The following CDH4 variants were observed in gnomAD, a reference collection of about 807,000 sequenced individuals.
The protein encoded by CDH4 is cadherin 4.
CDH4 carries 33 observed loss-of-function variants against 86.0 expected under a neutral mutation model. The ratio of observed to expected loss-of-function variants is 0.38; its 90% CI spans 0.29 to 0.51. The LOEUF is 0.51. Ranked by LOEUF, CDH4 falls within the 20% of genes least tolerant of loss-of-function variation. The pLI, the probability that CDH4 is intolerant of heterozygous loss-of-function variation, is 0.86. For synonymous variants in CDH4, 555 were observed against 549.4 expected (o/e 1.01, Z -0.14); for missense variants, 1,114 against 1,307.4 (o/e 0.85, Z 2.28).
intron 2 of CDH4, among the ~76,000 whole-genome samples, chr20:61,407,078 G>A (rs533168284): frequency 2.0e-5 from 3 of 152,144 alleles, no homozygotes; most frequent in South Asian, 2.1e-4. Context: ...TGGATACAGC[G>A]TCAAATAAGA....
At position 61,387,003 on chromosome 20, in the gene CDH4, G is replaced by A. The variant is rs552793983; in HGVS notation, c.169+132066G>A. ...GCGAGTTCTGTTACCAATTTTCCAC[G>A]TCTCTGAGATGAGTTTACATTACTG... On this transcript the variant is annotated intron_variant, in intron 2 of 15. Coordinates refer to ENST00000614565, the MANE Select transcript of CDH4 (RefSeq NM_001794.5). 1.6e-4 allele frequency among the ~76,000 whole-genome samples: 24 copies of A among 152,318 alleles called. No individual in the cohort carries two copies. The South Asian group carries it at 4.2e-3, about 26-fold the overall frequency.
rs576843335 is a variant in CDH4 at position 61,439,074 on chromosome 20, C to T, written c.169+184137C>T. Among the ~76,000 whole-genome samples, 4 of 152,182 alleles carry T rather than the reference C, an allele frequency of 2.6e-5. No individual in the cohort carries two copies. In the South Asian group the frequency reaches 8.3e-4, roughly 32 times the overall value. Reference sequence around the variant, plus strand: ...CTGCCTTCGGTGTTGACTCTTCTGACTGAATATATTTTTAACTTTTAAAAG... The same window carrying T: ...CTGCCTTCGGTGTTGACTCTTCTGATTGAATATATTTTTAACTTTTAAAAG... On this transcript the variant is annotated intron_variant, in intron 2 of 15. Transcript: ENST00000614565.
In CDH4 at chr20:61,764,139, G is replaced by C. The variant is rs529792483; in HGVS notation, c.397-8864G>C. Among the ~76,000 whole-genome samples the C allele has an allele frequency of 9.8e-4, 150 of 152,300 alleles. 5 individuals carry two copies. The South Asian group carries it at 0.027, about 28-fold the overall frequency. ...CCCAGGCGGGGAGCAGGGCTGCCAG[G>C]AGCTTAAGAAAATAAAATATTGTGG... On this transcript the variant is annotated intron_variant, in intron 3 of 15. Coordinates refer to ENST00000614565, the MANE Select transcript of CDH4 (RefSeq NM_001794.5).
At chr20:61,875,756 T>G (rs947608581) in intron 7 of CDH4, among the ~76,000 whole-genome samples, 2 of 152,198 alleles carry the variant, frequency 1.3e-5, no homozygotes, top group African/African-American at 4.8e-5. Flanking sequence ...GAGCTGCACC[T>G]GGCCCTGGTC....
chr20:61,778,366 A>G (rs554649578), intron 4 of CDH4, among the ~76,000 whole-genome samples: 26 of 152,330 alleles, frequency 1.7e-4, no homozygotes, highest in Admixed American at 4.6e-4. Context: ...GTTAAACGAA[A>G]AAACGAGCGG....
At position 61,879,228 on chromosome 20, in the gene CDH4, C is replaced by T. The variant is rs892112006; in HGVS notation, c.1050+5328C>T. On this transcript the variant is annotated intron_variant, in intron 7 of 15. Coordinates refer to ENST00000614565, the MANE Select transcript of CDH4 (RefSeq NM_001794.5). The surrounding 1 kb of genome is among the most constrained non-coding windows in gnomAD (Gnocchi z 4.1). Reference sequence around the variant, plus strand: ...CCCCTGGGCCCAGGCCTGCTGAGCCCGAGAAGCTGATTTCTGTCTGGCTTG... The same window carrying T: ...CCCCTGGGCCCAGGCCTGCTGAGCCTGAGAAGCTGATTTCTGTCTGGCTTG... Among the ~76,000 whole-genome samples, 2 of 152,194 alleles carry T rather than the reference C, an allele frequency of 1.3e-5. No homozygotes were observed. Among genetic ancestry groups the T allele is most frequent in the African/African-American group, 2.4e-5 (1 of 41,444 alleles).
At chr20:61,534,371 A>G (rs2085978321) in intron 2 of CDH4, among the ~76,000 whole-genome samples, 1 of 152,190 alleles carries the variant, frequency 6.6e-6, no homozygotes, top group African/African-American at 2.4e-5. Flanking sequence ...GGAGGCAAAG[A>G]AAAAACACTG....
intron 2 of CDH4, among the ~76,000 whole-genome samples, chr20:61,399,550 C>A (rs1347119601): frequency 6.6e-6 from 1 of 152,236 alleles, no homozygotes; most frequent in Non-Finnish European, 1.5e-5. Flanking sequence ...CCACCCCAGG[C>A]CTGGCTCAGC....
intron 7 of CDH4, among the ~76,000 whole-genome samples, chr20:61,892,352 G>A (rs1035237260): frequency 1.3e-5 from 2 of 152,230 alleles, no homozygotes; most frequent in African/African-American, 2.4e-5. Flanking sequence ...TTGGGCCCAC[G>A]TTTGACCCTG....
intron 2 of CDH4, among the ~76,000 whole-genome samples, chr20:61,531,202 T>A (rs946922231): frequency 6.6e-6 from 1 of 152,184 alleles, no homozygotes; most frequent in African/African-American, 2.4e-5. Flanking sequence ...CCAGGCATAG[T>A]GGCTCATGCC....
chr20:61,499,127 C>T (rs1182352347), intron 2 of CDH4, among the ~76,000 whole-genome samples: 1 of 152,242 alleles, frequency 6.6e-6, no homozygotes, highest in African/African-American at 2.4e-5. Context: ...ACCCAGGTCC[C>T]TCCTGAGCCT....
chr20:61,811,015 G>A lies in CDH4; in HGVS notation c.577-33653G>A, dbSNP rs1980407463. Among the ~76,000 whole-genome samples the A allele has an allele frequency of 6.6e-6, 1 of 152,188 alleles. No homozygotes were observed. Among genetic ancestry groups the A allele is most frequent in the South Asian group, 2.1e-4 (1 of 4,828 alleles). On this transcript the variant is annotated intron_variant, in intron 4 of 15. Transcript: ENST00000614565. The surrounding 1 kb of genome is among the most constrained non-coding windows in gnomAD (Gnocchi z 4.4). ...AAGGAATCAGTCAAACGAACTCATGGCTCTTCATCCCCTGCAAAACTAATG... is the reference window on the plus strand; with the variant it reads ...AAGGAATCAGTCAAACGAACTCATGACTCTTCATCCCCTGCAAAACTAATG...
rs760534430 is a variant in CDH4 at position 61,392,152 on chromosome 20, AC to A, written c.169+137218del. Among the ~76,000 whole-genome samples the A allele has an allele frequency of 6.6e-6, 1 of 151,348 alleles. No individual in the cohort carries two copies. Among genetic ancestry groups the A allele is most frequent in the Non-Finnish European group, 1.5e-5 (1 of 67,914 alleles). ...GGGCAGCCCGTGCTGCAGGAGGTGA[AC>A]CCGGGCATGTGACACGGTCACAGGG... On this transcript the variant is annotated intron_variant, in intron 2 of 15. Coordinates refer to ENST00000614565, the MANE Select transcript of CDH4 (RefSeq NM_001794.5). The surrounding 1 kb of genome is among the most constrained non-coding windows in gnomAD (Gnocchi z 5.7).
At chr20:61,432,169 C>T (rs1465610606) in intron 2 of CDH4, among the ~76,000 whole-genome samples, 4 of 152,154 alleles carry the variant, frequency 2.6e-5, no homozygotes, top group Admixed American at 6.5e-5. Context: ...AGTAGCTAGG[C>T]TATATAGTAG....
chr20:61,623,575 A>G lies in CDH4; in HGVS notation c.170-119988A>G, dbSNP rs867796949. Among the ~76,000 whole-genome samples the G allele has an allele frequency of 4.9e-4, 74 of 152,176 alleles. 1 individual carries two copies. Among genetic ancestry groups the G allele is most frequent in the African/African-American group, 1.7e-3 (70 of 41,450 alleles). On this transcript the variant is annotated intron_variant, in intron 2 of 15. Coordinates refer to ENST00000614565, the MANE Select transcript of CDH4 (RefSeq NM_001794.5). The surrounding 1 kb of genome is among the most constrained non-coding windows in gnomAD (Gnocchi z 4.4). ...AGAGCCCGCAGGGTCATCAAGAGCT[A>G]GACCCAGCGGCCGTGTTGTCTTTCC...
In CDH4 at chr20:61,661,091, G is replaced by C. The variant is rs1023587595; in HGVS notation, c.170-82472G>C. Among the ~76,000 whole-genome samples, 10 of 143,938 alleles carry C rather than the reference G, an allele frequency of 6.9e-5. 2 individuals are homozygous for C. Among genetic ancestry groups the C allele is most frequent in the Non-Finnish European group, 1.5e-4 (10 of 64,786 alleles). 94.4% of individuals were successfully genotyped at this position (143,938 alleles called of 152,430 possible). A position where few individuals can be genotyped will look rare whatever the true frequency, so the allele number is the denominator to read the frequency against. On this transcript the variant is annotated intron_variant, in intron 2 of 15. Transcript: ENST00000614565. The stretch of plus-strand genomic sequence containing the variant: ...CATGGACAGGAGGCATGGCGGGGGG[G>C]GGGGAGACACAGTGCCAGGCTCATG...
intron 2 of CDH4, among the ~76,000 whole-genome samples, chr20:61,434,263 A>G (rs747192588): frequency 7.9e-5 from 12 of 152,242 alleles, no homozygotes; most frequent in Non-Finnish European, 1.6e-4. Flanking sequence ...TGCTCGTTAG[A>G]CTTTGCATAA....
At chr20:61,314,144 C>T (rs912991213) in intron 2 of CDH4, among the ~76,000 whole-genome samples, 4 of 152,176 alleles carry the variant, frequency 2.6e-5, no homozygotes, top group African/African-American at 9.7e-5. Context: ...ATTTATGGTC[C>T]GTTCCTTTTA....
chr20:61,927,929 C>T (rs554065656), intron 11 of CDH4, among the ~76,000 whole-genome samples: 8 of 152,228 alleles, frequency 5.3e-5, no homozygotes, highest in Admixed American at 1.3e-4. Context: ...TGTGCTTTGC[C>T]GTGTCTGTTG....
Sources: allele counts gnomAD v4.1 joint callset (sites outside exome capture counted in the v4.1 genomes callset), GRCh38; gene constraint gnomAD v4.1.1; non-coding constraint Gnocchi (gnomAD v3.1); transcripts MANE v1.5; gene names NCBI Gene and HGNC (gene_info 2026-07-23, HGNC 2026-07-21).